TMPRSS3: variants seen among roughly 807,000 people sequenced by gnomAD.
The protein encoded by TMPRSS3 is transmembrane protease serine 3.
In TMPRSS3, 55 loss-of-function variants were observed where a neutral mutation model predicts 59.6. The observed-to-expected ratio is 0.92, with a 90% CI of 0.74 to 1.16. The LOEUF (loss-of-function observed/expected upper bound fraction) is 1.16. Ranked by LOEUF, TMPRSS3 falls within the 50% of genes most tolerant of loss-of-function variation. The pLI, the probability that TMPRSS3 is intolerant of heterozygous loss-of-function variation, is 0.00. For synonymous variants in TMPRSS3, 257 were observed against 237.7 expected (o/e 1.08, Z -0.75); for missense variants, 596 against 579.4 (o/e 1.03, Z -0.29).
chr21:42,381,905 A>G (rs1413523505), intron 9 of TMPRSS3, 160 bp downstream of exon 9: 1 of 921,910 alleles, frequency 1.1e-6, no homozygotes, highest in Non-Finnish European at 1.7e-6. Context: ...ATGAGAAAAG[A>G]TAATCAACTG....
intron 6 of TMPRSS3, 54 bp downstream of exon 6, chr21:42,385,355 A>G: frequency 8.1e-6 from 13 of 1,609,682 alleles, no homozygotes; most frequent in Non-Finnish European, 1.1e-5. Flanking sequence ...AGCATCACAA[A>G]TCCAGCAGGT....
intron 8 of TMPRSS3, 193 bp from the exon 9 acceptor site, chr21:42,382,427 A>G: frequency 1.6e-6 from 1 of 623,460 alleles, no homozygotes; most frequent in East Asian, 2.9e-5. Flanking sequence ...CCCACACCCC[A>G]TGTGTTTCCC....
intron 2 of TMPRSS3, among the ~76,000 whole-genome samples, chr21:42,391,355 A>T (rs1314181242): frequency 2.6e-5 from 4 of 152,186 alleles, no homozygotes; most frequent in Non-Finnish European, 5.9e-5. Context: ...CGAGGACAGG[A>T]TGTTGATACA....
intron 9 of TMPRSS3, among the ~76,000 whole-genome samples, chr21:42,380,750 T>G (rs1014522278): frequency 2.0e-5 from 3 of 152,230 alleles, no homozygotes; most frequent in Admixed American, 2.0e-4. Flanking sequence ...TTTGCCTGTG[T>G]GTAGGGCTGG....
intron 10 of TMPRSS3, 89 bp downstream of exon 10, chr21:42,380,028 A>G: frequency 9.1e-7 from 1 of 1,097,552 alleles, no homozygotes; most frequent in Admixed American, 1.9e-5. Flanking sequence ...GCCCATGGGA[A>G]CATCACAATG....
At position 42,376,657 on chromosome 21, in the gene TMPRSS3, C is replaced by T. The variant is rs1251706736; in HGVS notation, c.1075G>A (p.Ala359Thr). ...GGDASPVLNH[A>T]AVPLISNKIC... is the part of the protein sequence containing the mutation. ...TTGTTGGAAATCAAAGGGACGGCCG[C>T]GTGGTTCAGGACAGGGGAGGCGTCA... is the stretch of plus-strand genomic sequence containing the variant. The change falls in exon 11 of 13, where the codon GCG becomes ACG. Residue 359 changes from alanine (A) to threonine (T), a missense_variant. Transcript: ENST00000644384. 1.2e-6 allele frequency: 2 copies of T among 1,614,030 alleles called. No homozygotes were observed. Among genetic ancestry groups the T allele is most frequent in the Admixed American group, 1.7e-5 (1 of 60,010 alleles).
intron 6 of TMPRSS3, among the ~76,000 whole-genome samples, chr21:42,385,047 C>CCTTCCTTCCTCCCTCCCTCCCTCCCTT (rs1555854378): frequency 1.1e-5 from 1 of 92,088 alleles, no homozygotes; most frequent in Non-Finnish European, 2.0e-5. Context: ...CTCCCTCCCT[C>CCTTCCTTCCTCCCTCCCTCCCTCCCTT]CCTTCCTTCC....
At chr21:42,386,536 G>A (rs530347252) in intron 5 of TMPRSS3, among the ~76,000 whole-genome samples, 40 of 152,310 alleles carry the variant, frequency 2.6e-4, no homozygotes, top group African/African-American at 9.1e-4. Context: ...GGAGCCCCAT[G>A]AACTGTCCAA....
intron 2 of TMPRSS3, among the ~76,000 whole-genome samples, chr21:42,390,919 C>T (rs938372343): frequency 1.1e-4 from 17 of 152,126 alleles, no homozygotes; most frequent in South Asian, 2.1e-4. Context: ...AGGCAGGGCA[C>T]GGTGCCCTAT....
intron 12 of TMPRSS3, among the ~76,000 whole-genome samples, chr21:42,374,337 T>C (rs1358453713): frequency 6.6e-6 from 1 of 152,206 alleles, no homozygotes; most frequent in East Asian, 1.9e-4. Flanking sequence ...AGGGCGGCAG[T>C]GCTGGAGGTG....
chr21:42,375,261 C>T (rs1006233060), intron 12 of TMPRSS3, among the ~76,000 whole-genome samples: 1 of 145,534 alleles, frequency 6.9e-6, no homozygotes, highest in East Asian at 2.2e-4. Context: ...CAGAGCTCCC[C>T]AAGCCTCTCC....
chr21:42,382,247 G>C lies in TMPRSS3; in HGVS notation c.783-13C>G. Reference sequence around the variant, plus strand: ...GGGGAGGTACAAGCTGAAATGAGAAGAGCAAGAGGTGAAGCACAGGAAAAG... The same window carrying C: ...GGGGAGGTACAAGCTGAAATGAGAACAGCAAGAGGTGAAGCACAGGAAAAG... On this transcript the variant is annotated splice_polypyrimidine_tract_variant and intron_variant, in intron 8 of 12. Transcript: ENST00000644384. The C allele has an allele frequency of 6.2e-7, 1 of 1,613,284 alleles. No homozygotes were observed. Among genetic ancestry groups the C allele is most frequent in the Non-Finnish European group, 8.5e-7 (1 of 1,179,428 alleles).
chr21:42,380,261 G>A (rs200121962), intron 9 of TMPRSS3, 49 bp from the exon 10 acceptor site: 619 of 1,481,030 alleles, frequency 4.2e-4, no homozygotes, highest in Admixed American at 9.8e-4. Context: ...GCAGGAGTCC[G>A]AGAAAACAAT....
At chr21:42,373,247 C>T (rs148156918) in intron 12 of TMPRSS3, among the ~76,000 whole-genome samples, 116 of 152,320 alleles carry the variant, frequency 7.6e-4, no homozygotes, top group African/African-American at 2.4e-3. Flanking sequence ...AAACGCACAG[C>T]GGGCCTGCTG....
At chr21:42,381,359 C>T (rs906078578) in intron 9 of TMPRSS3, among the ~76,000 whole-genome samples, 1 of 152,188 alleles carries the variant, frequency 6.6e-6, no homozygotes, top group African/African-American at 2.4e-5. Flanking sequence ...GGGTGCCCAG[C>T]ATCTTTCAGC....
In TMPRSS3 at chr21:42,395,265, T is replaced by A; in HGVS notation, c.94+59A>T. Reference sequence around the variant, plus strand: ...CCCCCACAGGGACAGTCAGTCACATTGGTCACCTACATGAGGGTATGGGCA... The same window carrying A: ...CCCCCACAGGGACAGTCAGTCACATAGGTCACCTACATGAGGGTATGGGCA... On this transcript the variant is annotated intron_variant, in intron 2 of 12. Transcript: ENST00000644384. 2.8e-6 allele frequency: 4 copies of A among 1,424,084 alleles called. No homozygotes were observed. In the South Asian group the frequency reaches 4.6e-5, roughly 16 times the overall value. The allele number at this position is 1,424,084 out of a possible 1,614,324, so 88.2% of individuals were successfully genotyped here. A position where few individuals can be genotyped will look rare whatever the true frequency, so the allele number is the denominator to read the frequency against.
intron 9 of TMPRSS3, chr21:42,381,760 T>G (rs987010463): frequency 7.4e-5 from 38 of 510,714 alleles, no homozygotes; most frequent in African/African-American, 5.8e-4. Context: ...TAGGCCAGGA[T>G]CTACAAACTA....
Position 42,387,371 on chromosome 21 carries a change from A to AGT in TMPRSS3, c.446+1030_446+1031dup, listed in dbSNP as rs59669731. Among the ~76,000 whole-genome samples the AGT allele has an allele frequency of 8.5e-3, 1,258 of 147,192 alleles. 7 individuals are homozygous for AGT. The highest frequency in any genetic ancestry group is 8.8e-3 in the Non-Finnish European group (587 of 66,768). On this transcript the variant is annotated intron_variant, in intron 5 of 12. Coordinates refer to ENST00000644384, the MANE Select transcript of TMPRSS3 (RefSeq NM_001256317.3). Reference sequence around the variant, plus strand: ...AATGGGGAAGCTCTCAGCTGTGTGCAGTGTGTGTGTGTGTGTGTGTGTGTG... The same window carrying AGT: ...AATGGGGAAGCTCTCAGCTGTGTGCAGTGTGTGTGTGTGTGTGTGTGTGTGTG...
At chr21:42,378,053 G>T (rs560193110) in intron 10 of TMPRSS3, among the ~76,000 whole-genome samples, 1 of 152,216 alleles carries the variant, frequency 6.6e-6, no homozygotes, top group African/African-American at 2.4e-5. Context: ...GAAGGGGAGC[G>T]TAGATTGGTG....
Sources: gnomAD v4.1 joint callset for allele counts (sites outside exome capture counted in the v4.1 genomes callset) on GRCh38, gnomAD v4.1.1 for gene constraint, MANE v1.5 for transcripts, NCBI Gene and HGNC (gene_info 2026-07-23, HGNC 2026-07-21) for gene names.